The following BMAL1 variants were observed in gnomAD, a reference collection of about 807,000 sequenced individuals.
BMAL1 encodes the protein basic helix-loop-helix ARNT-like protein 1.
the BMAL1 span, among the ~76,000 whole-genome samples, chr11:13,369,088 G>A: frequency 6.6e-6 from 1 of 152,158 alleles, no homozygotes; most frequent in African/African-American, 2.4e-5. Context: ...TGGGGTCCAG[G>A]AATCTGTAGG....
the BMAL1 span, among the ~76,000 whole-genome samples, chr11:13,359,155 T>A: frequency 6.6e-6 from 1 of 152,108 alleles, no homozygotes; most frequent in African/African-American, 2.4e-5. Context: ...CTTTTCTGAG[T>A]GTGGGGAGGG....
the BMAL1 span, among the ~76,000 whole-genome samples, chr11:13,315,242 G>C: frequency 2.2e-4 from 33 of 152,228 alleles, no homozygotes; most frequent in African/African-American, 7.5e-4. Flanking sequence ...TGTTCCCTCA[G>C]CCTGGAATGC....
the BMAL1 span, among the ~76,000 whole-genome samples, chr11:13,306,968 C>G: frequency 1.3e-5 from 2 of 152,206 alleles, no homozygotes; most frequent in Admixed American, 6.5e-5. Flanking sequence ...AGGGGGAGAG[C>G]CTTTCTCTAC....
the BMAL1 span, among the ~76,000 whole-genome samples, chr11:13,327,633 C>T: frequency 6.6e-6 from 1 of 152,158 alleles, no homozygotes. Flanking sequence ...GCTGAATCGT[C>T]TGTGTAAGAG....
chr11:13,285,463 T>C, the BMAL1 span, among the ~76,000 whole-genome samples: 2 of 151,920 alleles, frequency 1.3e-5, no homozygotes, highest in East Asian at 3.9e-4. Context: ...GCAAATAGAG[T>C]AAAGCAGTAG....
chr11:13,330,921 T>C, the BMAL1 span, among the ~76,000 whole-genome samples: 1 of 152,222 alleles, frequency 6.6e-6, no homozygotes, highest in Admixed American at 6.5e-5. Context: ...TTTGCCTGTG[T>C]TGTCGTAGTG....
At chr11:13,281,810 C>T in the BMAL1 span, among the ~76,000 whole-genome samples, 4 of 152,286 alleles carry the variant, frequency 2.6e-5, no homozygotes, top group East Asian at 7.7e-4. Flanking sequence ...GTGCTCAGCC[C>T]CTTTGAAGCT....
chr11:13,311,481 T>C, the BMAL1 span, among the ~76,000 whole-genome samples: 1 of 152,130 alleles, frequency 6.6e-6, no homozygotes, highest in African/African-American at 2.4e-5. Flanking sequence ...AAATGTAATG[T>C]CACAAGAGGG....
chr11:13,283,314 G>T, the BMAL1 span, among the ~76,000 whole-genome samples: 3 of 152,152 alleles, frequency 2.0e-5, no homozygotes, highest in African/African-American at 7.2e-5. Flanking sequence ...AAGTTAATTA[G>T]CTTCTCTGAG....
At chr11:13,282,774 T>C in the BMAL1 span, among the ~76,000 whole-genome samples, 1 of 152,274 alleles carries the variant, frequency 6.6e-6, no homozygotes, top group African/African-American at 2.4e-5. Flanking sequence ...TCGCTCAGCC[T>C]GAGCATTCTG....
At chr11:13,302,545 G>A in the BMAL1 span, among the ~76,000 whole-genome samples, 1 of 152,140 alleles carries the variant, frequency 6.6e-6, no homozygotes, top group Admixed American at 6.5e-5. Context: ...CTGTGCAATC[G>A]CTATTTTCCC....
the BMAL1 span, among the ~76,000 whole-genome samples, chr11:13,331,812 AG>A: frequency 3.3e-5 from 5 of 151,986 alleles, no homozygotes; most frequent in South Asian, 1.0e-3. Flanking sequence ...GGCTTTGGGG[AG>A]TTACTTCTCT....
the BMAL1 span, among the ~76,000 whole-genome samples, chr11:13,303,879 T>C: frequency 3.3e-5 from 5 of 152,116 alleles, no homozygotes; most frequent in African/African-American, 1.2e-4. Context: ...TGGGTTCTGG[T>C]GAACTCATGG....
chr11:13,295,334 G>GGAGA, the BMAL1 span, among the ~76,000 whole-genome samples: 1 of 151,592 alleles, frequency 6.6e-6, no homozygotes, highest in African/African-American at 2.4e-5. Context: ...TGTGGTAGAG[G>GGAGA]GAGAGAGAGA....
chr11:13,358,650 C>A, the BMAL1 span: 1 of 1,442,854 alleles, frequency 6.9e-7, no homozygotes, highest in South Asian at 1.6e-5. Flanking sequence ...ACCACCCTTG[C>A]CTAGAATGTT....
the BMAL1 span, among the ~76,000 whole-genome samples, chr11:13,323,313 GC>G: frequency 4.6e-5 from 7 of 152,134 alleles, no homozygotes; most frequent in Non-Finnish European, 8.8e-5. Context: ...TTTGTAACCA[GC>G]CCAGATTGTC....
chr11:13,285,259 C>G, the BMAL1 span, among the ~76,000 whole-genome samples: 1 of 152,118 alleles, frequency 6.6e-6, no homozygotes, highest in Non-Finnish European at 1.5e-5. Context: ...GGTTAATTAT[C>G]TTACGCTCAC....
the BMAL1 span, among the ~76,000 whole-genome samples, chr11:13,321,494 C>T: frequency 1.3e-5 from 2 of 152,114 alleles, no homozygotes; most frequent in Non-Finnish European, 2.9e-5. Context: ...AGTTCACCTC[C>T]AGGGTCTTTT....
chr11:13,332,142 G>A, the BMAL1 span, among the ~76,000 whole-genome samples: 1 of 152,192 alleles, frequency 6.6e-6, no homozygotes, highest in African/African-American at 2.4e-5. Flanking sequence ...GAGGTGGGGA[G>A]GGAGGAATCA....
Sources: allele counts gnomAD v4.1 joint callset (sites outside exome capture counted in the v4.1 genomes callset), GRCh38; gene constraint gnomAD v4.1.1; transcripts MANE v1.5; gene names NCBI Gene and HGNC (gene_info 2026-07-23, HGNC 2026-07-21).